OS9: variants seen among roughly 807,000 people sequenced by gnomAD.
The protein encoded by OS9 is protein OS-9.
A neutral mutation model predicts 84.7 loss-of-function variants in OS9; 58 were observed. The observed-to-expected ratio is 0.68, with a 90% CI of 0.55 to 0.85. OS9 has a LOEUF of 0.85. Ranked by LOEUF, OS9 falls within the 40% of genes least tolerant of loss-of-function variation. OS9 has a pLI of 0.00. For synonymous variants in OS9, 278 were observed against 320.8 expected (o/e 0.87, Z 1.43); for missense variants, 760 against 850.9 (o/e 0.89, Z 1.33).
chr12:57,712,105 C>T (rs1042772119), intron 5 of OS9, among the ~76,000 whole-genome samples: 1 of 152,176 alleles, frequency 6.6e-6, no homozygotes, highest in South Asian at 2.1e-4. Flanking sequence ...TATTCCTGTT[C>T]TCTATTTCAT....
At chr12:57,696,469 G>A (rs1014224196) in intron 5 of OS9, 96 bp downstream of exon 5, 1 of 481,410 alleles carries the variant, frequency 2.1e-6, no homozygotes. Context: ...GGGGCGGGGG[G>A]GGTCCCCTCC....
intron 5 of OS9, 63 bp downstream of exon 5, chr12:57,696,436 G>C: frequency 1.5e-6 from 1 of 653,748 alleles, no homozygotes; most frequent in Non-Finnish European, 2.4e-6. Flanking sequence ...AAGGGAAGAG[G>C]GTTGCATCTT....
Position 57,716,174 on chromosome 12 carries a change from G to A in OS9, c.873G>A (p.Val291=), listed in dbSNP as rs1461335398. ...PQVWSETKSG[V]APQKMAGASP... ...TGTGGAGTGAGACCAAGTCTGGGGT[G>A]GCACCCCAAAAGATGGCAGGTAGGA... The change falls in exon 7 of 15, where the codon GTG becomes GTA. Residue 291 remains valine, a synonymous_variant. Coordinates refer to ENST00000315970, the MANE Select transcript of OS9 (RefSeq NM_006812.4). 1.9e-6 allele frequency: 3 copies of A among 1,611,278 alleles called. 1 individual carries two copies. Among genetic ancestry groups the A allele is most frequent in the Non-Finnish European group, 2.5e-6 (3 of 1,179,004 alleles).
intron 9 of OS9, among the ~76,000 whole-genome samples, chr12:57,717,138 AG>A (rs1160571572): frequency 1.3e-5 from 2 of 152,256 alleles, no homozygotes; most frequent in East Asian, 3.8e-4. Context: ...CCTTAGCCCC[AG>A]GATCTCCTCT....
chr12:57,700,575 T>G (rs1288770047), intron 5 of OS9, among the ~76,000 whole-genome samples: 1 of 152,144 alleles, frequency 6.6e-6, no homozygotes, highest in Non-Finnish European at 1.5e-5. Flanking sequence ...TGATGCCTCC[T>G]CAATAGGAAC....
At position 57,694,373 on chromosome 12, in the gene OS9, A is replaced by G. The variant is rs770774703; in HGVS notation, c.162+50A>G. The G allele has an allele frequency of 1.0e-5, 16 of 1,593,746 alleles. No individual in the cohort carries two copies. In the African/African-American group the frequency reaches 2.0e-4, roughly 20 times the overall value. ...GTCTGGGCAGAAGAGGAAGCGGGTAAGAGATAGAGGAAGAAGGGCAGCTCC... is the reference window on the plus strand; with the variant it reads ...GTCTGGGCAGAAGAGGAAGCGGGTAGGAGATAGAGGAAGAAGGGCAGCTCC... On this transcript the variant is annotated intron_variant, in intron 1 of 14. Coordinates refer to ENST00000315970, the MANE Select transcript of OS9 (RefSeq NM_006812.4).
At position 57,696,022 on chromosome 12, in the gene OS9, A is replaced by G. The variant is rs759148130; in HGVS notation, c.464A>G (p.Asp155Gly). 11 of 1,612,360 alleles carry G rather than the reference A, an allele frequency of 6.8e-6. No individual in the cohort carries two copies. The highest frequency in any genetic ancestry group is 8.5e-7 in the Non-Finnish European group (1 of 1,178,490). The change falls in exon 4 of 15, where the codon GAT (aspartate) becomes GGT (glycine). Residue 155 changes from aspartate (D) to glycine (G), a missense_variant. Coordinates refer to ENST00000315970, the MANE Select transcript of OS9 (RefSeq NM_006812.4). ...LGYYQSAFDW[D>G]DETAKASKQH... Reference sequence around the variant, plus strand: ...TACTACCAATCAGCCTTCGACTGGGATGATGAAACAGCCAAGGTGGCAAGA... The same window carrying G: ...TACTACCAATCAGCCTTCGACTGGGGTGATGAAACAGCCAAGGTGGCAAGA...
In OS9 at chr12:57,715,909, C is replaced by T. The variant is rs775409328; in HGVS notation, c.729C>T (p.Ala243=). The change falls in exon 6 of 15, where the codon GCC becomes GCT. Residue 243 remains alanine, a synonymous_variant. Transcript: ENST00000315970. ...CCCCACCCAGTGCTGCACCGCAGGC[C>T]ATCCTCTGTCACCCTTCCCTACAGC... ...LRPPPSAAPQ[A]ILCHPSLQPE... is the part of the protein sequence containing the mutation. The T allele has an allele frequency of 6.2e-7, 1 of 1,613,592 alleles. No individual in the cohort carries two copies.
intron 12 of OS9, 198 bp from the exon 13 acceptor site, chr12:57,719,901 C>T (rs1954622112): frequency 1.9e-6 from 1 of 536,184 alleles, no homozygotes; most frequent in Non-Finnish European, 3.3e-6. Context: ...AGATGGAAGG[C>T]TGCAATTGGT....
At position 57,717,929 on chromosome 12, in the gene OS9, A is replaced by G. The variant is rs1954553313; in HGVS notation, c.1105A>G (p.Ile369Val). 1 of 1,612,780 alleles carries G rather than the reference A, an allele frequency of 6.2e-7. No homozygotes were observed. Among genetic ancestry groups the G allele is most frequent in the African/African-American group, 1.3e-5 (1 of 74,794 alleles). The change falls in exon 10 of 15, where the codon ATA becomes GTA. Residue 369 changes from isoleucine (I) to valine (V), a missense_variant. Coordinates refer to ENST00000315970, the MANE Select transcript of OS9 (RefSeq NM_006812.4). ...AAGCCCTGCGGATTTGATTCGATTC[A>G]TAGAGGAGCTGAAAGGTGGAACAAA... ...IRSPADLIRF[I>V]EELKGGTKKG...
intron 5 of OS9, among the ~76,000 whole-genome samples, chr12:57,713,308 C>T (rs1954384760): frequency 6.6e-6 from 1 of 152,312 alleles, no homozygotes; most frequent in East Asian, 1.9e-4. Flanking sequence ...TCCCCCTGGG[C>T]AAAATCCCCG....
At position 57,719,031 on chromosome 12, in the gene OS9, G is replaced by C; in HGVS notation, c.1449G>C (p.Glu483Asp). The C allele has an allele frequency of 1.9e-6, 3 of 1,614,064 alleles. No individual in the cohort carries two copies. Among genetic ancestry groups the C allele is most frequent in the Non-Finnish European group, 2.5e-6 (3 of 1,179,986 alleles). Residue 483 changes from glutamate (E) to aspartate (D), a missense_variant, in exon 12 of 15, where the codon GAG becomes GAC. Coordinates refer to ENST00000315970, the MANE Select transcript of OS9 (RefSeq NM_006812.4). ...TGGACCCAGATGGGCTGAAGAAGGA[G>C]TCAGAGCGGGATCGGGCAATGCTGG... is the stretch of plus-strand genomic sequence containing the variant. ...KELDPDGLKK[E>D]SERDRAMLAL... is the part of the protein sequence containing the mutation.
chr12:57,705,574 A>C (rs1954141773), intron 5 of OS9, among the ~76,000 whole-genome samples: 1 of 152,078 alleles, frequency 6.6e-6, no homozygotes, highest in Non-Finnish European at 1.5e-5. Context: ...TTGCTCTGTC[A>C]TCAAGGCTGG....
Position 57,694,184 on chromosome 12 carries a change from C to T in OS9, c.23C>T (p.Ser8Phe). The change falls in exon 1 of 15, where the codon TCC becomes TTC. Residue 8 changes from serine to phenylalanine, a missense_variant. Ser to Phe is a radical substitution (Grantham distance 155, BLOSUM62 -2). Transcript: ENST00000315970. MAAETLL[S>F]SLLGLLLLGL... The stretch of plus-strand genomic sequence containing the variant: ...AAGATGGCGGCGGAAACGCTGCTGT[C>T]CAGTTTGTTAGGACTGCTGCTTCTG... The T allele has an allele frequency of 6.2e-7, 1 of 1,614,160 alleles. No homozygotes were observed. Among genetic ancestry groups the T allele is most frequent in the East Asian group, 2.2e-5 (1 of 44,880 alleles).
intron 5 of OS9, among the ~76,000 whole-genome samples, chr12:57,706,846 G>GAAAAAAAAAAAAAA (rs11423380): frequency 4.8e-5 from 2 of 41,732 alleles, no homozygotes; most frequent in East Asian, 8.1e-4. Context: ...ATGACTCTCT[G>GAAAAAAAAAAAAAA]AAAAAAAAAA....
In OS9 at chr12:57,720,386, T is replaced by C. The variant is rs1266045796; in HGVS notation, c.1766-20T>C. The C allele has an allele frequency of 1.2e-6, 2 of 1,604,000 alleles. No individual in the cohort carries two copies. Among genetic ancestry groups the C allele is most frequent in the South Asian group, 1.1e-5 (1 of 90,862 alleles). ...GCTCCCAACCATCCTCTCCTCTCAC[T>C]GCATACTGCTCCTTTCCAGGGAAAA... On this transcript the variant is annotated intron_variant, in intron 13 of 14. Coordinates refer to ENST00000315970, the MANE Select transcript of OS9 (RefSeq NM_006812.4).
At chr12:57,713,698 CTTTTTTT>C (rs1045862160) in intron 5 of OS9, among the ~76,000 whole-genome samples, 10 of 131,828 alleles carry the variant, frequency 7.6e-5, no homozygotes, top group Admixed American at 1.5e-4. Flanking sequence ...CCCCACCCCA[CTTTTTTT>C]TTTTTTTTTT....
intron 12 of OS9, 35 bp downstream of exon 12, chr12:57,719,217 C>A (rs1006070878): frequency 1.3e-6 from 2 of 1,583,664 alleles, no homozygotes; most frequent in Non-Finnish European, 1.7e-6. Flanking sequence ...GTAGCCCAGT[C>A]TGTTGTTTTC....
In OS9 at chr12:57,718,280, G is replaced by C. The variant is rs759549472; in HGVS notation, c.1269G>C (p.Glu423Asp). Residue 423 changes from glutamate to aspartate, a missense_variant, in exon 11 of 15, where the codon GAG (glutamate) becomes GAC (aspartate). Glu to Asp is a conservative substitution (Grantham distance 45). Coordinates refer to ENST00000315970, the MANE Select transcript of OS9 (RefSeq NM_006812.4). ...MEEEEDEDED[E>D]DEDEDERQLL... ...AAGAGGAGGATGAGGATGAGGATGAGGATGAAGATGAGGATGAACGGCAGT... is the reference window on the plus strand; with the variant it reads ...AAGAGGAGGATGAGGATGAGGATGACGATGAAGATGAGGATGAACGGCAGT... The C allele has an allele frequency of 3.2e-5, 51 of 1,612,472 alleles. No homozygotes were observed. The highest frequency in any genetic ancestry group is 3.3e-4 in the Middle Eastern group (2 of 6,076).
Sources: allele counts gnomAD v4.1 joint callset (sites outside exome capture counted in the v4.1 genomes callset), GRCh38; gene constraint gnomAD v4.1.1; transcripts MANE v1.5; gene names NCBI Gene and HGNC (gene_info 2026-07-23, HGNC 2026-07-21).